Variants in MORC1 observed in about 807,000 individuals in gnomAD.
MORC1 encodes MORC family CW-type zinc finger 1, also known as MORC family CW-type zinc finger protein 1.
A neutral mutation model predicts 134.9 loss-of-function variants in MORC1; 59 were observed. The observed-to-expected ratio is 0.44, with a 90% CI of 0.35 to 0.54. The LOEUF is 0.54. MORC1 is among the 20% of genes least tolerant of loss of function. The pLI is 0.00. For synonymous variants in MORC1, 395 were observed against 391.7 expected (o/e 1.01, Z -0.10); for missense variants, 947 against 1,134.5 (o/e 0.83, Z 2.37).
chr3:109,057,361 T>G lies in MORC1; in HGVS notation c.1157A>C (p.Gln386Pro). 1 of 1,610,504 alleles carries G rather than the reference T, an allele frequency of 6.2e-7. No individual in the cohort carries two copies. Among genetic ancestry groups the G allele is most frequent in the Non-Finnish European group, 8.5e-7 (1 of 1,178,524 alleles). ...TACTCACAAGGACTTCAGTTTCAAC[T>G]GTGAGCCCACTTTTTCATGCATTTT... ...LIKMHEKVGS[Q>P]LKLKSLLGAG... is the part of the protein sequence containing the mutation. Residue 386 changes from glutamine to proline, a missense_variant, in exon 13 of 28, where the codon CAG becomes CCG. Transcript: ENST00000232603.
chr3:109,057,052 G>C (rs1437702947), intron 13 of MORC1, among the ~76,000 whole-genome samples: 2 of 152,082 alleles, frequency 1.3e-5, no homozygotes, highest in African/African-American at 4.8e-5. Flanking sequence ...AATTGGTAAA[G>C]CATTAAAAAT....
rs16855321 is a variant in MORC1, at chr3:109,056,935, T to G, written c.1175+408A>C. On this transcript the variant is annotated intron_variant, in intron 13 of 27. Coordinates refer to ENST00000232603, the MANE Select transcript of MORC1 (RefSeq NM_014429.4). ...AGAGAGTTTTAATAACATATGATCA[T>G]GAAGCTAACTGGCATGAACTCATAC... is the stretch of plus-strand genomic sequence containing the variant. Among the ~76,000 whole-genome samples the G allele has an allele frequency of 7.0e-3, 1,062 of 152,342 alleles. 36 individuals carry two copies. In the East Asian group the frequency reaches 0.081, roughly 12 times the overall value.
intron 16 of MORC1, among the ~76,000 whole-genome samples, chr3:109,028,238 C>G (rs1479888129): frequency 6.6e-6 from 1 of 151,568 alleles, no homozygotes; most frequent in Non-Finnish European, 1.5e-5. Flanking sequence ...GCCATTTCCC[C>G]CCCCAAAAAA....
chr3:109,004,988 T>C, intron 19 of MORC1, 82 bp downstream of exon 19: 2 of 1,572,268 alleles, frequency 1.3e-6, no homozygotes, highest in Non-Finnish European at 1.7e-6. Context: ...TGTCTTAAAA[T>C]GTGAAAATGA....
chr3:109,071,911 C>T (rs1428950535), intron 8 of MORC1, among the ~76,000 whole-genome samples: 2 of 152,150 alleles, frequency 1.3e-5, no homozygotes, highest in Admixed American at 1.3e-4. Flanking sequence ...AACTGTTTAC[C>T]AGGCAAGTTC....
chr3:109,076,194 G>A (rs957021763), intron 8 of MORC1, among the ~76,000 whole-genome samples: 2 of 152,108 alleles, frequency 1.3e-5, no homozygotes, highest in African/African-American at 4.8e-5. Flanking sequence ...CTTCTCAAAA[G>A]AAGACATTTA....
chr3:108,981,757 A>C (rs1455028067), intron 23 of MORC1, among the ~76,000 whole-genome samples: 1 of 152,208 alleles, frequency 6.6e-6, no homozygotes, highest in Admixed American at 6.5e-5. Flanking sequence ...CATCACCATC[A>C]TTAGTAATGC....
chr3:108,996,275 T>C lies in MORC1; in HGVS notation c.2187+4282A>G, dbSNP rs868289211. 2.7e-3 allele frequency among the ~76,000 whole-genome samples: 323 copies of C among 121,870 alleles called. 3 individuals carry two copies. Among genetic ancestry groups the C allele is most frequent in the Middle Eastern group, 8.4e-3 (2 of 238 alleles). The allele number at this position is 121,870 out of a possible 152,430, so 80.0% of individuals were successfully genotyped here. ...ATGCCTGTGCACATGTGCGCGTGCG[T>C]GCGCGCGCGCGCACACACACACACA... On this transcript the variant is annotated intron_variant, in intron 21 of 27. Coordinates refer to ENST00000232603, the MANE Select transcript of MORC1 (RefSeq NM_014429.4).
intron 27 of MORC1, among the ~76,000 whole-genome samples, chr3:108,960,768 C>T (rs1418545669): frequency 1.3e-5 from 2 of 151,924 alleles, no homozygotes; most frequent in Admixed American, 6.6e-5. Flanking sequence ...TAGGCATACA[C>T]CTTATAGTCC....
At chr3:108,979,698 T>C (rs761261913) in intron 23 of MORC1, 31 bp from the exon 24 acceptor site, 40 of 1,605,114 alleles carry the variant, frequency 2.5e-5, no homozygotes, top group Non-Finnish European at 3.3e-5. Flanking sequence ...GTAGAAATCA[T>C]GTTAGGTATT....
chr3:109,114,572 C>G lies in MORC1; in HGVS notation c.66-135G>C, dbSNP rs1951231887. The G allele has an allele frequency of 4.2e-6, 3 of 709,776 alleles. No homozygotes were observed. In the South Asian group the frequency reaches 6.2e-5, roughly 15 times the overall value. The allele number at this position is 709,776 out of a possible 1,614,324, so 44.0% of individuals were successfully genotyped here. ...TTAAGAAGTTACTCTAGAAACAACTCTCTCAGCACGGTCAAGATTCGGAAC... is the reference window on the plus strand; with the variant it reads ...TTAAGAAGTTACTCTAGAAACAACTGTCTCAGCACGGTCAAGATTCGGAAC... On this transcript the variant is annotated intron_variant, in intron 1 of 27. Coordinates refer to ENST00000232603, the MANE Select transcript of MORC1 (RefSeq NM_014429.4).
At chr3:109,015,139 C>T (rs898129505) in intron 17 of MORC1, among the ~76,000 whole-genome samples, 2 of 152,156 alleles carry the variant, frequency 1.3e-5, no homozygotes, top group Non-Finnish European at 2.9e-5. Flanking sequence ...CCTCCTTTGC[C>T]TCCCAAAGTG....
intron 25 of MORC1, 100 bp downstream of exon 25, chr3:108,971,230 G>T: frequency 1.0e-6 from 1 of 969,360 alleles, no homozygotes; most frequent in Non-Finnish European, 1.6e-6. Flanking sequence ...ATTCACTTAA[G>T]CCACTCTAGG....
intron 21 of MORC1, among the ~76,000 whole-genome samples, chr3:108,993,010 T>C (rs1948108957): frequency 6.6e-6 from 1 of 152,230 alleles, no homozygotes; most frequent in African/African-American, 2.4e-5. Context: ...TGAGAATAGA[T>C]GGCATTATTA....
intron 14 of MORC1, among the ~76,000 whole-genome samples, chr3:109,041,943 C>CAAA (rs563306121): frequency 7.6e-6 from 1 of 132,250 alleles, no homozygotes; most frequent in African/African-American, 2.8e-5. Context: ...GACTCCATCT[C>CAAA]AAAAAAAAAA....
intron 16 of MORC1, 35 bp downstream of exon 16, chr3:109,032,685 A>G: frequency 7.2e-7 from 1 of 1,397,810 alleles, no homozygotes; most frequent in Non-Finnish European, 9.9e-7. Context: ...GAAATTAAAA[A>G]TGAATAAAGA....
intron 23 of MORC1, among the ~76,000 whole-genome samples, chr3:108,982,586 G>GGC (rs1553743072): frequency 4.0e-5 from 6 of 151,694 alleles, no homozygotes; most frequent in African/African-American, 1.2e-4. Flanking sequence ...CGTGGGATGG[G>GGC]GGGGGCAGGG....
chr3:108,997,861 GA>G lies in MORC1; in HGVS notation c.2187+2695del, dbSNP rs34822390. ...GAGAAAAATAAAGTGCCTTAATATG[GA>G]AAAAAAAATCCTTTCAAAAGGCAGA... On this transcript the variant is annotated intron_variant, in intron 21 of 27. Transcript: ENST00000232603. 3.1e-3 allele frequency among the ~76,000 whole-genome samples: 465 copies of G among 150,016 alleles called. 8 individuals carry two copies. Among genetic ancestry groups the G allele is most frequent in the African/African-American group, 0.011 (442 of 40,952 alleles).
chr3:109,002,541 A>G (rs1272640045), intron 20 of MORC1, among the ~76,000 whole-genome samples: 2 of 152,176 alleles, frequency 1.3e-5, no homozygotes, highest in Non-Finnish European at 2.9e-5. Context: ...TGCAACAGAG[A>G]AAGATATTTC....
Sources: gnomAD v4.1 joint callset for allele counts (sites outside exome capture counted in the v4.1 genomes callset) on GRCh38, gnomAD v4.1.1 for gene constraint, MANE v1.5 for transcripts, NCBI Gene and HGNC (gene_info 2026-07-23, HGNC 2026-07-21) for gene names.